GPR176: variants seen among roughly 807,000 people sequenced by gnomAD.
GPR176 encodes the protein G-protein coupled receptor 176.
GPR176 carries 26 observed loss-of-function variants against 35.4 expected under a neutral mutation model. The ratio of observed to expected loss-of-function variants is 0.74; its 90% CI spans 0.54 to 1.02. The LOEUF is 1.02. Among genes scored for constraint, GPR176 ranks in the 50% least tolerant of loss-of-function variants. The pLI, the probability that GPR176 is intolerant of heterozygous loss-of-function variation, is 0.00. For missense variants in GPR176, 597 were observed against 665.3 expected (o/e 0.90, Z 1.13); for synonymous variants, 278 against 271.3 (o/e 1.02, Z -0.24).
chr15:39,832,026 ACCATGTTCCAG>A (rs1901119787), intron 1 of GPR176, among the ~76,000 whole-genome samples: 2 of 146,264 alleles, frequency 1.4e-5, no homozygotes, highest in African/African-American at 5.1e-5. Flanking sequence ...ACACACACAC[ACCATGTTCCAG>A]TGCAATGAAG....
chr15:39,888,804 G>A (rs1359936662), intron 1 of GPR176, among the ~76,000 whole-genome samples: 2 of 152,024 alleles, frequency 1.3e-5, no homozygotes, highest in Admixed American at 1.3e-4. Flanking sequence ...ATTTCCAGAA[G>A]CTTATCCACT....
chr15:39,899,157 T>C (rs1248412917), intron 1 of GPR176, among the ~76,000 whole-genome samples: 1 of 152,196 alleles, frequency 6.6e-6, no homozygotes, highest in Admixed American at 6.5e-5. Flanking sequence ...CTCCTGGGCA[T>C]GCTCTACCTT....
intron 1 of GPR176, among the ~76,000 whole-genome samples, chr15:39,885,083 G>A (rs558331472): frequency 5.9e-5 from 9 of 152,142 alleles, no homozygotes; most frequent in South Asian, 2.1e-4. Context: ...CTAAGTTCCC[G>A]ATCGTTTGCC....
intron 1 of GPR176, among the ~76,000 whole-genome samples, chr15:39,898,769 G>T (rs1277077346): frequency 2.6e-5 from 4 of 152,064 alleles, no homozygotes; most frequent in African/African-American, 9.7e-5. Context: ...CAGAGTAATT[G>T]GGGAGGGCTA....
intron 1 of GPR176, among the ~76,000 whole-genome samples, chr15:39,830,763 A>G (rs1901021613): frequency 6.6e-6 from 1 of 152,216 alleles, no homozygotes; most frequent in Non-Finnish European, 1.5e-5. Flanking sequence ...AAAATATCTC[A>G]TTGATTTAAA....
chr15:39,860,247 T>C lies in GPR176; in HGVS notation c.173-52989A>G, dbSNP rs575723884. Among the ~76,000 whole-genome samples, 3 of 152,356 alleles carry C rather than the reference T, an allele frequency of 2.0e-5. No individual in the cohort carries two copies. The East Asian group carries it at 5.8e-4, about 29-fold the overall frequency. On this transcript the variant is annotated intron_variant, in intron 1 of 2. Transcript: ENST00000561100. ...AGGATTTTTAAATAAATGTTTCAAG[T>C]CCTGGTAAAGGCCGGGGTTCAGGCT...
At chr15:39,918,872 A>G (rs2033797867) in intron 1 of GPR176, among the ~76,000 whole-genome samples, 1 of 152,252 alleles carries the variant, frequency 6.6e-6, no homozygotes, top group Non-Finnish European at 1.5e-5. Flanking sequence ...TTCCATAGAA[A>G]TTCACAAGTG....
chr15:39,863,597 C>CTT (rs2031702922), intron 1 of GPR176, among the ~76,000 whole-genome samples: 1 of 152,114 alleles, frequency 6.6e-6, no homozygotes, highest in Non-Finnish European at 1.5e-5. Context: ...AGTGTACAGT[C>CTT]TTTATAAAGT....
intron 1 of GPR176, among the ~76,000 whole-genome samples, chr15:39,913,595 G>C (rs2033636426): frequency 6.6e-6 from 1 of 151,964 alleles, no homozygotes. Context: ...TAAATGAGTG[G>C]TGATTGCCTA....
intron 1 of GPR176, among the ~76,000 whole-genome samples, chr15:39,887,009 T>C (rs2032699303): frequency 6.6e-6 from 1 of 152,226 alleles, no homozygotes; most frequent in Non-Finnish European, 1.5e-5. Flanking sequence ...TCCTCTCTAA[T>C]ATTCTATGAG....
chr15:39,854,775 AC>A (rs1259479051), intron 1 of GPR176, among the ~76,000 whole-genome samples: 2 of 152,044 alleles, frequency 1.3e-5, no homozygotes, highest in Non-Finnish European at 2.9e-5. Flanking sequence ...AGTGGCTCAT[AC>A]CTGTAATCCA....
At chr15:39,854,227 A>G (rs1028763370) in intron 1 of GPR176, among the ~76,000 whole-genome samples, 1 of 152,168 alleles carries the variant, frequency 6.6e-6, no homozygotes, top group Admixed American at 6.5e-5. Context: ...TCCCAAGGCA[A>G]TCAGGACCTG....
intron 1 of GPR176, among the ~76,000 whole-genome samples, chr15:39,817,691 TAAGAGAGAGAGC>T (rs1470992374): frequency 2.0e-5 from 3 of 151,502 alleles, no homozygotes; most frequent in Admixed American, 1.3e-4. Context: ...TTAGAAAGAG[TAAGAGAGAGAGC>T]AAGAGAGAGA....
At chr15:39,803,485 G>A (rs941665705) in intron 2 of GPR176, among the ~76,000 whole-genome samples, 1 of 151,640 alleles carries the variant, frequency 6.6e-6, no homozygotes, top group African/African-American at 2.4e-5. Flanking sequence ...TCGCCATGTT[G>A]GCCCAGGCTG....
chr15:39,805,978 T>C (rs1899165163), intron 2 of GPR176, among the ~76,000 whole-genome samples: 1 of 152,182 alleles, frequency 6.6e-6, no homozygotes, highest in Non-Finnish European at 1.5e-5. Context: ...CCCAGTATGC[T>C]GGGGGCTTCG....
chr15:39,887,127 GGGA>G (rs1179869663), intron 1 of GPR176, among the ~76,000 whole-genome samples: 15 of 152,170 alleles, frequency 9.9e-5, no homozygotes, highest in African/African-American at 2.4e-5. Flanking sequence ...TCAGTAGATT[GGGA>G]GTGCATCCCA....
chr15:39,872,911 C>CTGTGTGTGTG (rs6145533), intron 1 of GPR176, among the ~76,000 whole-genome samples: 7 of 141,390 alleles, frequency 5.0e-5, no homozygotes, highest in Non-Finnish European at 9.2e-5. Flanking sequence ...TCCAAAATAT[C>CTGTGTGTGTG]TGTGTGTGTG....
Position 39,920,079 on chromosome 15 carries a change from G to A in GPR176, c.-53C>T. 6.6e-6 allele frequency: 8 copies of A among 1,216,040 alleles called. No individual in the cohort carries two copies. In the South Asian group the frequency reaches 8.2e-5, roughly 12 times the overall value. 75.3% of individuals were successfully genotyped at this position (1,216,040 alleles called of 1,614,324 possible). The stretch of plus-strand genomic sequence containing the variant: ...GCCGCCCGCCTCGGAGCCCCGCGCG[G>A]AGCCTCTCCTCCTCCGGGTGAGGAG... On this transcript the variant is annotated 5_prime_UTR_variant, in exon 1 of 3. Coordinates refer to ENST00000561100, the MANE Select transcript of GPR176 (RefSeq NM_007223.3).
At chr15:39,812,181 C>A (rs1899614063) in intron 1 of GPR176, among the ~76,000 whole-genome samples, 1 of 152,204 alleles carries the variant, frequency 6.6e-6, no homozygotes, top group South Asian at 2.1e-4. Context: ...TACTAAATGT[C>A]AACTGGACTG....
Sources: gnomAD v4.1 joint callset for allele counts (sites outside exome capture counted in the v4.1 genomes callset) on GRCh38, gnomAD v4.1.1 for gene constraint, MANE v1.5 for transcripts, NCBI Gene and HGNC (gene_info 2026-07-23, HGNC 2026-07-21) for gene names.